The following ZFPM2 variants were observed in gnomAD, a reference collection of about 807,000 sequenced individuals.
The protein encoded by ZFPM2 is zinc finger protein, FOG family member 2, also known as zinc finger protein ZFPM2.
Under a neutral mutation model 98.6 loss-of-function variants are expected in ZFPM2, and 20 were observed. The ratio of observed to expected loss-of-function variants is 0.20; its 90% confidence interval spans 0.14 to 0.29. The LOEUF (loss-of-function observed/expected upper bound fraction) is 0.29, where lower values mean the gene tolerates loss of function less well. ZFPM2 is among the 10% of genes least tolerant of loss of function. The pLI is 1.00. For missense variants in ZFPM2, 1,310 were observed against 1,388.6 expected, an observed-to-expected ratio of 0.94 and a Z score of 0.90; for synonymous variants, 518 against 502.7, an observed-to-expected ratio of 1.03 and a Z score of -0.41.
intron 5 of ZFPM2, among the ~76,000 whole-genome samples, chr8:105,700,295 A>G (rs1329722321): frequency 6.6e-6 from 1 of 152,158 alleles, no homozygotes; most frequent in East Asian, 1.9e-4. Flanking sequence ...TGATTTTAGT[A>G]ATTTTCAGAA....
chr8:105,437,226 T>C (rs1203228519), intron 2 of ZFPM2, among the ~76,000 whole-genome samples: 1 of 152,228 alleles, frequency 6.6e-6, no homozygotes, highest in Non-Finnish European at 1.5e-5. Context: ...TAAATGTGTA[T>C]ACTTAACTAC....
At chr8:105,425,299 GA>G (rs1285221586) in intron 2 of ZFPM2, among the ~76,000 whole-genome samples, 1 of 152,178 alleles carries the variant, frequency 6.6e-6, no homozygotes, top group African/African-American at 2.4e-5. Flanking sequence ...CTGCAGAAAG[GA>G]AAGGTTAAGC....
Position 105,456,146 on chromosome 8 carries a change from G to GTTTTTTTTTTTT in ZFPM2, c.301+11774_301+11775insTTTTTTTTTTTT, listed in dbSNP as rs200639878. ...AGAAGATGGGGAAAACCAGGAAAAT[G>GTTTTTTTTTTTT]TTTTTTTTTGTTTGTTTGTTTGTTT... On this transcript the variant is annotated intron_variant, in intron 3 of 7. Coordinates refer to ENST00000407775, the MANE Select transcript of ZFPM2 (RefSeq NM_012082.4). 5.4e-5 allele frequency among the ~76,000 whole-genome samples: 5 copies of GTTTTTTTTTTTT among 93,346 alleles called. 2 individuals are homozygous for GTTTTTTTTTTTT. Among genetic ancestry groups the GTTTTTTTTTTTT allele is most frequent in the Non-Finnish European group, 7.3e-5 (3 of 41,008 alleles). 61.2% of individuals were successfully genotyped at this position (93,346 alleles called of 152,430 possible).
intron 5 of ZFPM2, among the ~76,000 whole-genome samples, chr8:105,699,320 A>G (rs770462542): frequency 1.3e-5 from 2 of 152,146 alleles, no homozygotes; most frequent in Non-Finnish European, 2.9e-5. Flanking sequence ...GTTAATGGCT[A>G]GATTTTAAAT....
intron 2 of ZFPM2, among the ~76,000 whole-genome samples, chr8:105,427,432 C>T (rs984745699): frequency 2.6e-5 from 4 of 152,196 alleles, no homozygotes; most frequent in Admixed American, 1.3e-4. Context: ...GTGAGCTGGC[C>T]AACAGATCTC....
chr8:105,493,384 G>A (rs1416255164), intron 3 of ZFPM2, among the ~76,000 whole-genome samples: 1 of 152,224 alleles, frequency 6.6e-6, no homozygotes, highest in Non-Finnish European at 1.5e-5. Context: ...GAAAGTGACA[G>A]TTATTTCCAG....
At chr8:105,429,445 A>AATAT (rs142230291) in intron 2 of ZFPM2, among the ~76,000 whole-genome samples, 3,480 of 138,334 alleles carry the variant, frequency 0.025, 241 homozygotes, top group African/African-American at 0.062. Flanking sequence ...TAGACAAGGA[A>AATAT]ATATATATAT....
chr8:105,485,313 TTG>T (rs1813209709), intron 3 of ZFPM2, among the ~76,000 whole-genome samples: 1 of 146,922 alleles, frequency 6.8e-6, no homozygotes, highest in African/African-American at 2.7e-5. Flanking sequence ...GTTTGTTTGT[TTG>T]TTTTTGATTG....
chr8:105,459,828 A>G (rs553378579), intron 3 of ZFPM2, among the ~76,000 whole-genome samples: 164 of 152,250 alleles, frequency 1.1e-3, no homozygotes, highest in South Asian at 2.7e-3. Flanking sequence ...TAGGGCCTCA[A>G]TATATGAGTT....
intron 5 of ZFPM2, among the ~76,000 whole-genome samples, chr8:105,746,367 A>G (rs1195728846): frequency 2.0e-5 from 3 of 152,056 alleles, no homozygotes; most frequent in Admixed American, 6.6e-5. Context: ...TGCCAATGAT[A>G]ACTGCTATTA....
intron 3 of ZFPM2, among the ~76,000 whole-genome samples, chr8:105,503,871 A>G (rs572830806): frequency 6.6e-6 from 1 of 152,098 alleles, no homozygotes; most frequent in Admixed American, 6.6e-5. Context: ...TGAATGATGA[A>G]CTTGATTCCT....
chr8:105,394,327 T>C (rs1811179961), intron 1 of ZFPM2, among the ~76,000 whole-genome samples: 2 of 152,220 alleles, frequency 1.3e-5, no homozygotes, highest in East Asian at 3.8e-4. Context: ...GTGTTTTATA[T>C]AATATGTCTG....
At chr8:105,800,976 A>G in intron 7 of ZFPM2, 71 bp from the exon 8 acceptor site, 2 of 1,407,074 alleles carry the variant, frequency 1.4e-6, no homozygotes, top group East Asian at 4.6e-5. Flanking sequence ...TTAGGTCATT[A>G]GAAAAGGTCC....
At chr8:105,330,254 G>A (rs2093284576) in intron 1 of ZFPM2, among the ~76,000 whole-genome samples, 1 of 151,342 alleles carries the variant, frequency 6.6e-6, no homozygotes, top group South Asian at 2.1e-4. Context: ...AGTTTTAAGG[G>A]TCAGATCTCC....
At chr8:105,546,615 T>C (rs1203772106) in intron 3 of ZFPM2, among the ~76,000 whole-genome samples, 1 of 151,464 alleles carries the variant, frequency 6.6e-6, no homozygotes, top group Non-Finnish European at 1.5e-5. Flanking sequence ...ATAAAACTTA[T>C]AACATGTATT....
chr8:105,648,760 A>G (rs1817107020), intron 5 of ZFPM2, among the ~76,000 whole-genome samples: 1 of 152,156 alleles, frequency 6.6e-6, no homozygotes, highest in African/African-American at 2.4e-5. Flanking sequence ...TACCAGTACC[A>G]TGCTGTTTTG....
chr8:105,538,908 G>A (rs1437323650), intron 3 of ZFPM2, among the ~76,000 whole-genome samples: 1 of 152,034 alleles, frequency 6.6e-6, no homozygotes, highest in African/African-American at 2.4e-5. Flanking sequence ...CCAGCTACTC[G>A]GGAGGCTGAG....
intron 5 of ZFPM2, among the ~76,000 whole-genome samples, chr8:105,703,060 C>A (rs1399556704): frequency 6.6e-6 from 1 of 152,006 alleles, no homozygotes; most frequent in East Asian, 1.9e-4. Flanking sequence ...CTTTCCTGCC[C>A]CCCGCCCCGC....
At chr8:105,392,445 A>T (rs1357690642) in intron 1 of ZFPM2, among the ~76,000 whole-genome samples, 1 of 152,206 alleles carries the variant, frequency 6.6e-6, no homozygotes, top group Non-Finnish European at 1.5e-5. Context: ...AATCTCATGA[A>T]GACCATTGAT....
Sources: gnomAD v4.1 joint callset for allele counts (sites outside exome capture counted in the v4.1 genomes callset) on GRCh38, gnomAD v4.1.1 for gene constraint, MANE v1.5 for transcripts, NCBI Gene and HGNC (gene_info 2026-07-23, HGNC 2026-07-21) for gene names.